GTF2H2C: variants seen among roughly 807,000 people sequenced by gnomAD.
GTF2H2C encodes GTF2H2 family member C.
GTF2H2C carries 5 observed loss-of-function variants against 24.8 expected under a neutral mutation model. The observed-to-expected ratio is 0.20, with a 90% CI of 0.11 to 0.42. The LOEUF is 0.42. Ranked by LOEUF, GTF2H2C falls within the 20% of genes least tolerant of loss-of-function variation. The pLI is 1.00. For synonymous variants in GTF2H2C, 14 were observed against 52.6 expected (o/e 0.27, Z 3.18); for missense variants, 45 against 169.8 (o/e 0.27, Z 4.08).
chr5:69,577,343 A>G (rs1321359487), intron 9 of GTF2H2C, among the ~76,000 whole-genome samples: 1 of 131,114 alleles, frequency 7.6e-6, no homozygotes, highest in African/African-American at 3.0e-5. Flanking sequence ...ATTTTTCATA[A>G]AGGTGTGTAC....
At chr5:69,560,810 T>G (rs2243528) in intron 1 of GTF2H2C, among the ~76,000 whole-genome samples, 1 of 151,928 alleles carries the variant, frequency 6.6e-6, no homozygotes, top group Non-Finnish European at 1.5e-5. Flanking sequence ...CAGGCTGGAG[T>G]GCAGCGGCGC....
chr5:69,561,656 A>ATT (rs1178444351), intron 1 of GTF2H2C, among the ~76,000 whole-genome samples: 1 of 148,396 alleles, frequency 6.7e-6, no homozygotes, highest in Non-Finnish European at 1.5e-5. Flanking sequence ...ATTTGTAATT[A>ATT]TTTTATTTAT....
chr5:69,568,354 C>A, intron 8 of GTF2H2C, 147 bp downstream of exon 8: 2 of 506,718 alleles, frequency 3.9e-6, no homozygotes, highest in Non-Finnish European at 7.2e-6. Flanking sequence ...ACATCTCCCC[C>A]ACCATTATAT....
chr5:69,573,145 TACACACACACACAC>T (rs779761105), intron 9 of GTF2H2C, among the ~76,000 whole-genome samples: 4 of 117,450 alleles, frequency 3.4e-5, no homozygotes, highest in East Asian at 2.5e-4. Context: ...CTATTATATA[TACACACACACACAC>T]ACACACACAC....
chr5:69,593,938 G>A lies in GTF2H2C; in HGVS notation c.*1740G>A, dbSNP rs1387345122. Among the ~76,000 whole-genome samples the A allele has an allele frequency of 0.058, 2,445 of 41,872 alleles. 3 individuals carry two copies. Among genetic ancestry groups the A allele is most frequent in the Middle Eastern group, 0.077 (2 of 26 alleles). 27.5% of individuals were successfully genotyped at this position (41,872 alleles called of 152,430 possible). A position where few individuals can be genotyped will look rare whatever the true frequency, so the allele number is the denominator to read the frequency against. ...GCGACAGAGCTAGACTCTGTCTCAAGAAAAAAAAAAAAAAAAAAAAAAAAA... is the reference window on the plus strand; with the variant it reads ...GCGACAGAGCTAGACTCTGTCTCAAAAAAAAAAAAAAAAAAAAAAAAAAAA... On this transcript the variant is annotated 3_prime_UTR_variant, in exon 17 of 17. Transcript: ENST00000380729.
intron 2 of GTF2H2C, among the ~76,000 whole-genome samples, chr5:69,564,148 T>C (rs1013291429): frequency 1.4e-5 from 2 of 145,846 alleles, no homozygotes; most frequent in African/African-American, 5.1e-5. Flanking sequence ...CAGGATTTCA[T>C]TGTGTTTTTT....
intron 8 of GTF2H2C, chr5:69,568,497 T>TTG (rs1770899463): frequency 3.8e-6 from 1 of 262,714 alleles, no homozygotes; most frequent in Non-Finnish European, 6.7e-6. Flanking sequence ...TTTCCTTTTT[T>TTG]TTTTTTTTTT....
At chr5:69,568,491 C>CTTTTTTTT (rs1156422359) in intron 8 of GTF2H2C, 158 of 100,110 alleles carry the variant, frequency 1.6e-3, no homozygotes, top group Non-Finnish European at 1.8e-3. Flanking sequence ...TTTTTCTTTC[C>CTTTTTTTT]TTTTTTTTTT....
intron 4 of GTF2H2C, 183 bp from the exon 5 acceptor site, chr5:69,566,406 A>G (rs1039255320): frequency 3.5e-5 from 43 of 1,211,846 alleles, no homozygotes; most frequent in Non-Finnish European, 4.7e-5. Context: ...TACAATACCT[A>G]TAATTATGTG....
intron 15 of GTF2H2C, among the ~76,000 whole-genome samples, chr5:69,590,060 T>C (rs1771919867): frequency 6.7e-6 from 1 of 150,226 alleles, no homozygotes; most frequent in Non-Finnish European, 1.5e-5. Flanking sequence ...AATTTTTGTA[T>C]TTTTAGTAGA....
At chr5:69,564,096 G>A (rs1770588011) in intron 2 of GTF2H2C, among the ~76,000 whole-genome samples, 1 of 151,116 alleles carries the variant, frequency 6.6e-6, no homozygotes, top group East Asian at 1.9e-4. Context: ...TTAATTCGAT[G>A]AGGATAATGG....
At position 69,591,440 on chromosome 5, in the gene GTF2H2C, GA is replaced by G. The variant is rs531604749; in HGVS notation, c.1069-636del. 6.7e-4 allele frequency among the ~76,000 whole-genome samples: 97 copies of G among 144,174 alleles called. No homozygotes were observed. The South Asian group carries it at 0.021, about 31-fold the overall frequency. The allele number at this position is 144,174 out of a possible 152,430, so 94.6% of individuals were successfully genotyped here. On this transcript the variant is annotated intron_variant, in intron 16 of 16. Coordinates refer to ENST00000380729, the MANE Select transcript of GTF2H2C (RefSeq NM_001376000.2). Reference sequence around the variant, plus strand: ...GAATAGGTCATTGTCTGTGTTGTTTGAAATTTATTTATTCATTCTTTTTTTT... The same window carrying G: ...GAATAGGTCATTGTCTGTGTTGTTTGAATTTATTTATTCATTCTTTTTTTT...
At chr5:69,561,786 G>A (rs1770373852) in intron 1 of GTF2H2C, among the ~76,000 whole-genome samples, 1 of 151,100 alleles carries the variant, frequency 6.6e-6, no homozygotes, top group Admixed American at 6.6e-5. Context: ...TGGGACTCAA[G>A]TACTCGCCAC....
At chr5:69,566,311 G>A in intron 4 of GTF2H2C, 103 bp downstream of exon 4, 1 of 1,503,668 alleles carries the variant, frequency 6.7e-7, no homozygotes, top group South Asian at 1.2e-5. Flanking sequence ...GTGTTTCAGG[G>A]AAACTGACCT....
chr5:69,587,540 G>C (rs1460217315), intron 15 of GTF2H2C, among the ~76,000 whole-genome samples: 1 of 51,764 alleles, frequency 1.9e-5, no homozygotes, highest in Admixed American at 1.6e-4. Context: ...GCTGAGGCAG[G>C]AGAATCCCTT....
chr5:69,560,782 G>A (rs187271448), intron 1 of GTF2H2C, among the ~76,000 whole-genome samples: 5 of 152,038 alleles, frequency 3.3e-5, no homozygotes, highest in East Asian at 1.9e-4. Context: ...TCTTCGAGAC[G>A]GAGTCTCGCC....
intron 2 of GTF2H2C, among the ~76,000 whole-genome samples, chr5:69,563,737 T>C (rs1454416576): frequency 2.0e-5 from 3 of 152,180 alleles, no homozygotes; most frequent in East Asian, 1.9e-4. Context: ...CTCATCGTTA[T>C]GTCCACGTGT....
At chr5:69,566,745 C>T (rs1580624093) in intron 5 of GTF2H2C, 120 bp downstream of exon 5, 7 of 451,702 alleles carry the variant, frequency 1.5e-5, no homozygotes, top group Admixed American at 1.2e-4. Flanking sequence ...GTTAAAAATA[C>T]GTGCATAGAA....
intron 5 of GTF2H2C, 27 bp downstream of exon 5, chr5:69,566,652 G>T (rs1288973840): frequency 1.6e-6 from 2 of 1,224,260 alleles, no homozygotes; most frequent in East Asian, 2.5e-5. Context: ...TCTTTTACTA[G>T]TACAGAACTA....
Sources: allele counts gnomAD v4.1 joint callset (sites outside exome capture counted in the v4.1 genomes callset), GRCh38; gene constraint gnomAD v4.1.1; transcripts MANE v1.5; gene names NCBI Gene and HGNC (gene_info 2026-07-23, HGNC 2026-07-21).